ZNF724: variants seen among roughly 807,000 people sequenced by gnomAD.
ZNF724 encodes zinc finger protein 724.
ZNF724 carries 14 observed loss-of-function variants against 29.3 expected under a neutral mutation model. The ratio of observed to expected loss-of-function variants is 0.48; its 90% CI spans 0.32 to 0.75. The LOEUF (loss-of-function observed/expected upper bound fraction) is 0.75. ZNF724 is among the 30% of genes least tolerant of loss of function. The probability of loss-of-function intolerance (pLI) is 0.04; values close to 1 mark genes in which losing one functional copy is unlikely to be tolerated. For synonymous variants in ZNF724, 180 were observed against 193.6 expected (o/e 0.93, Z 0.58); for missense variants, 557 against 571.2 (o/e 0.98, Z 0.25).
chr19:23,228,734 A>G (rs1971883303), intron 3 of ZNF724, among the ~76,000 whole-genome samples: 2 of 151,996 alleles, frequency 1.3e-5, no homozygotes, highest in African/African-American at 2.4e-5. Context: ...CCCCGTCTCT[A>G]CTAAAAATAC....
rs137859834 is a variant in ZNF724 at position 23,234,640 on chromosome 19, C to T, written c.4-2347G>A. Among the ~76,000 whole-genome samples, 92 of 152,060 alleles carry T rather than the reference C, an allele frequency of 6.1e-4. No homozygotes were observed. The East Asian group carries it at 0.016, about 27-fold the overall frequency. On this transcript the variant is annotated intron_variant, in intron 1 of 3. Coordinates refer to ENST00000418100, the MANE Select transcript of ZNF724 (RefSeq NM_001355404.2). ...CTAATTTTTGTACTTTTAGTAGAGA[C>T]GGGATTTTACCATGTTGGACAGGCT...
At chr19:23,250,141 G>T (rs568616721) in intron 1 of ZNF724, 99 bp downstream of exon 1, 5 of 553,646 alleles carry the variant, frequency 9.0e-6, no homozygotes, top group Non-Finnish European at 1.8e-5. Context: ...GCAGTTTGTG[G>T]AGATGACTGC....
At chr19:23,226,437 G>T (rs1172329758) in intron 3 of ZNF724, among the ~76,000 whole-genome samples, 1 of 152,108 alleles carries the variant, frequency 6.6e-6, no homozygotes, top group Non-Finnish European at 1.5e-5. Flanking sequence ...CAAAATCCTG[G>T]AATTACAGAT....
chr19:23,238,112 TC>T (rs983936787), intron 1 of ZNF724, among the ~76,000 whole-genome samples: 17 of 152,160 alleles, frequency 1.1e-4, no homozygotes, highest in Admixed American at 6.5e-5. Context: ...AACCTTGTAA[TC>T]CCAGCACTTT....
chr19:23,248,400 T>G (rs1972280106), intron 1 of ZNF724, among the ~76,000 whole-genome samples: 1 of 151,868 alleles, frequency 6.6e-6, no homozygotes, highest in East Asian at 1.9e-4. Flanking sequence ...CAAGCCAGAG[T>G]TAGGCTGGAG....
chr19:23,224,558 A>C (rs1971790524), intron 3 of ZNF724, among the ~76,000 whole-genome samples: 1 of 152,194 alleles, frequency 6.6e-6, no homozygotes, highest in African/African-American at 2.4e-5. Context: ...ACAGTGCCCC[A>C]GGAGGTGAGT....
At chr19:23,247,186 G>A (rs1972253850) in intron 1 of ZNF724, among the ~76,000 whole-genome samples, 1 of 152,124 alleles carries the variant, frequency 6.6e-6, no homozygotes, top group Non-Finnish European at 1.5e-5. Context: ...ACATGCCACT[G>A]CACTCCAGCC....
At chr19:23,242,355 G>A (rs1217793358) in intron 1 of ZNF724, among the ~76,000 whole-genome samples, 1 of 151,752 alleles carries the variant, frequency 6.6e-6, no homozygotes, top group Admixed American at 6.6e-5. Context: ...GAGGCAGGCA[G>A]ATTGCCTGAG....
At chr19:23,237,656 G>C (rs1182919261) in intron 1 of ZNF724, among the ~76,000 whole-genome samples, 1 of 146,624 alleles carries the variant, frequency 6.8e-6, no homozygotes, top group Non-Finnish European at 1.5e-5. Flanking sequence ...CGTAATCCCA[G>C]CTACTCAGCC....
intron 1 of ZNF724, among the ~76,000 whole-genome samples, chr19:23,249,022 AG>A: frequency 4.5e-5 from 2 of 44,260 alleles, no homozygotes; most frequent in Non-Finnish European, 1.4e-4. Flanking sequence ...AAAAAAACTA[AG>A]AAGAAGAAAA....
intron 1 of ZNF724, among the ~76,000 whole-genome samples, chr19:23,245,789 T>C (rs1256556312): frequency 6.6e-6 from 1 of 152,146 alleles, no homozygotes; most frequent in African/African-American, 2.4e-5. Flanking sequence ...CCTGTTCCAA[T>C]ACTCCTTTGG....
At chr19:23,224,980 C>CA (rs1241531906) in intron 3 of ZNF724, among the ~76,000 whole-genome samples, 3 of 146,324 alleles carry the variant, frequency 2.1e-5, no homozygotes, top group African/African-American at 7.5e-5. Flanking sequence ...CAAACAACAA[C>CA]AACAAAAAAA....
chr19:23,237,012 C>A (rs1339261904), intron 1 of ZNF724, among the ~76,000 whole-genome samples: 3 of 151,972 alleles, frequency 2.0e-5, no homozygotes, highest in South Asian at 4.1e-4. Context: ...ACCACCACCC[C>A]CCGCTAATTT....
intron 1 of ZNF724, among the ~76,000 whole-genome samples, chr19:23,237,108 C>G (rs748617953): frequency 8.5e-5 from 13 of 152,154 alleles, no homozygotes; most frequent in Non-Finnish European, 1.9e-4. Context: ...CCACCTTGGC[C>G]TCCCAAAGTG....
intron 1 of ZNF724, among the ~76,000 whole-genome samples, chr19:23,237,759 T>C (rs1263076345): frequency 6.9e-6 from 1 of 144,614 alleles, no homozygotes; most frequent in Non-Finnish European, 1.5e-5. Flanking sequence ...TTCACACAAA[T>C]GCAAGTTGTC....
chr19:23,248,054 G>A (rs1972273392), intron 1 of ZNF724, among the ~76,000 whole-genome samples: 1 of 152,044 alleles, frequency 6.6e-6, no homozygotes, highest in African/African-American at 2.4e-5. Context: ...ACCCCATAAA[G>A]TTTACAAAAA....
At position 23,246,821 on chromosome 19, in the gene ZNF724, T is replaced by C. The variant is rs913891913; in HGVS notation, c.3+3419A>G. Among the ~76,000 whole-genome samples the C allele has an allele frequency of 6.6e-5, 10 of 152,312 alleles. No homozygotes were observed. In the East Asian group the frequency reaches 1.2e-3, roughly 18 times the overall value. ...ACCACATTTTCTTGTGAACATGTAT[T>C]CATTTTCTACAGCCAAAATGGAAGA... is the stretch of plus-strand genomic sequence containing the variant. On this transcript the variant is annotated intron_variant, in intron 1 of 3. Coordinates refer to ENST00000418100, the MANE Select transcript of ZNF724 (RefSeq NM_001355404.2).
rs1185639953 is a variant in ZNF724 at position 23,223,691 on chromosome 19, A to C, written c.554T>G (p.Leu185Arg). 3 of 716,994 alleles carry C rather than the reference A, an allele frequency of 4.2e-6. No individual in the cohort carries two copies. The East Asian group carries it at 8.0e-5, about 19-fold the overall frequency. The allele number at this position is 716,994 out of a possible 1,614,324, so 44.4% of individuals were successfully genotyped here. Residue 185 changes from leucine to arginine, a missense_variant, in exon 4 of 4, where the codon CTA (leucine) becomes CGA (arginine). By Grantham distance (102) the Leu-to-Arg change is moderately radical. Around this residue, in one of 3 missense-constraint regions of ZNF724, gnomAD observed 362 missense variants for 295.5 expected, o/e 1.22. Transcript: ENST00000418100. Reference sequence around the variant, plus strand: ...AGTGTGAATTCTTTTATGTTGAGTTAGGTGTGAAAGAACACAAAATGACTT... The same window carrying C: ...AGTGTGAATTCTTTTATGTTGAGTTCGGTGTGAAAGAACACAAAATGACTT... ...CGKSFCVLSH[L>R]TQHKRIHTTV...
chr19:23,222,663 G>C lies in ZNF724; in HGVS notation c.1582C>G (p.His528Asp). The change falls in exon 4 of 4, where the codon CAT becomes GAT. Residue 528 changes from histidine (H) to aspartate (D), a missense_variant. By Grantham distance (81) the His-to-Asp change is moderately conservative (BLOSUM62 -1). Transcript: ENST00000418100. ...CATTTGTAGGGTTTCTCTCCAGCATGAATTATCTTATGTCTAGCAAGTGTC... is the reference window on the plus strand; with the variant it reads ...CATTTGTAGGGTTTCTCTCCAGCATCAATTATCTTATGTCTAGCAAGTGTC... ...SSTLARHKIIHAGEKPYKCEE... is the reference protein window; with the variant it reads ...SSTLARHKIIDAGEKPYKCEE... 7.3e-7 allele frequency: 1 copy of C among 1,370,444 alleles called. No homozygotes were observed. 84.9% of individuals were successfully genotyped at this position (1,370,444 alleles called of 1,614,324 possible). A position where few individuals can be genotyped will look rare whatever the true frequency, so the allele number is the denominator to read the frequency against.
Sources: gnomAD v4.1 joint callset for allele counts (sites outside exome capture counted in the v4.1 genomes callset) on GRCh38, gnomAD v4.1.1 for gene constraint, gnomAD v4.1.1 regional missense constraint, MANE v1.5 for transcripts, NCBI Gene and HGNC (gene_info 2026-07-23, HGNC 2026-07-21) for gene names.